SLC5A4: variants seen among roughly 807,000 people sequenced by gnomAD.
The protein encoded by SLC5A4 is probable glucose sensor protein SLC5A4.
In SLC5A4, 55 loss-of-function variants were observed where a neutral mutation model predicts 70.3. That is an observed-to-expected ratio of 0.78 (90% CI 0.63 to 0.98). The LOEUF is 0.98. SLC5A4 is among the 50% of genes least tolerant of loss of function. The pLI, the probability that SLC5A4 is intolerant of heterozygous loss-of-function variation, is 0.00. For missense variants in SLC5A4, 735 were observed against 839.2 expected (o/e 0.88, Z 1.53); for synonymous variants, 268 against 305.7 (o/e 0.88, Z 1.29).
chr22:32,245,176 C>T (rs1926747177), intron 5 of SLC5A4, among the ~76,000 whole-genome samples: 1 of 152,176 alleles, frequency 6.6e-6, no homozygotes, highest in Non-Finnish European at 1.5e-5. Context: ...TCATAACGAT[C>T]TGTTTAATAA....
At chr22:32,329,632 AGGGCTCTGGGGTGTGTGTT>A in the SLC5A4 span, among the ~76,000 whole-genome samples, 1 of 16,268 alleles carries the variant, frequency 6.1e-5, no homozygotes, top group African/African-American at 3.1e-4. Context: ...TGTGTGTTGG[AGGGCTCTGGGGTGTGTGTT>A]GGGGGCTCTG....
the SLC5A4 span, among the ~76,000 whole-genome samples, chr22:32,325,297 A>C: frequency 2.0e-5 from 3 of 152,244 alleles, no homozygotes; most frequent in Admixed American, 6.5e-5. Context: ...CCAGGACCCC[A>C]AAACAAGAGC....
the SLC5A4 span, among the ~76,000 whole-genome samples, chr22:32,350,487 T>C: frequency 2.0e-5 from 3 of 152,206 alleles, no homozygotes; most frequent in African/African-American, 7.2e-5. Context: ...ATTTGTTGGC[T>C]TCTACCCCTA....
At chr22:32,288,788 C>T in the SLC5A4 span, among the ~76,000 whole-genome samples, 5 of 152,198 alleles carry the variant, frequency 3.3e-5, no homozygotes, top group South Asian at 2.1e-4. Context: ...TCAGGTGATC[C>T]GACCGCCTCA....
the SLC5A4 span, among the ~76,000 whole-genome samples, chr22:32,277,829 T>A: frequency 6.6e-6 from 1 of 152,206 alleles, no homozygotes; most frequent in East Asian, 1.9e-4. Context: ...ATTACAGGCG[T>A]GAGCCACCGC....
the SLC5A4 span, among the ~76,000 whole-genome samples, chr22:32,311,357 A>C: frequency 6.6e-6 from 1 of 152,194 alleles, no homozygotes; most frequent in Non-Finnish European, 1.5e-5. Context: ...CATGTTTATT[A>C]AGCAGGGCCT....
the SLC5A4 span, among the ~76,000 whole-genome samples, chr22:32,285,805 C>A: frequency 0.014 from 2,083 of 151,646 alleles, 52 homozygotes; most frequent in African/African-American, 0.048. Flanking sequence ...GGCGCGATCT[C>A]GGCTCACTGC....
At chr22:32,246,875 T>A (rs923547822) in intron 5 of SLC5A4, among the ~76,000 whole-genome samples, 1 of 152,216 alleles carries the variant, frequency 6.6e-6, no homozygotes, top group Non-Finnish European at 1.5e-5. Flanking sequence ...TACTTTAAAA[T>A]TTTTTAACAC....
At chr22:32,251,397 T>C (rs1160654022) in intron 3 of SLC5A4, among the ~76,000 whole-genome samples, 1 of 151,884 alleles carries the variant, frequency 6.6e-6, no homozygotes, top group Non-Finnish European at 1.5e-5. Context: ...AGATAATGGG[T>C]TAGTTATAGT....
chr22:32,219,896 C>G (rs866134966), intron 14 of SLC5A4, among the ~76,000 whole-genome samples: 1 of 151,800 alleles, frequency 6.6e-6, no homozygotes, highest in Admixed American at 6.6e-5. Context: ...TAACTTTATG[C>G]CAATATATTT....
At chr22:32,247,293 A>G (rs1926883929) in intron 5 of SLC5A4, 118 bp downstream of exon 5, 1 of 670,668 alleles carries the variant, frequency 1.5e-6, no homozygotes. Flanking sequence ...TAAGACATCC[A>G]TATCCTTGAC....
chr22:32,271,164 G>T, the SLC5A4 span: 1 of 685,812 alleles, frequency 1.5e-6, no homozygotes, highest in Non-Finnish European at 2.7e-6. Flanking sequence ...GCCTGCTGTT[G>T]CAGGAGAATG....
chr22:32,228,288 C>G (rs1925523486), intron 11 of SLC5A4, among the ~76,000 whole-genome samples: 1 of 152,048 alleles, frequency 6.6e-6, no homozygotes, highest in Non-Finnish European at 1.5e-5. Flanking sequence ...CACCTGTAGT[C>G]CCAGCACTTT....
At chr22:32,297,016 G>T in the SLC5A4 span, among the ~76,000 whole-genome samples, 2 of 145,800 alleles carry the variant, frequency 1.4e-5, no homozygotes, top group African/African-American at 5.1e-5. Context: ...ACTTGATCAT[G>T]GTGGATAAGC....
chr22:32,312,365 G>GCACACA, the SLC5A4 span, among the ~76,000 whole-genome samples: 42 of 102,210 alleles, frequency 4.1e-4, no homozygotes, highest in South Asian at 1.9e-3. Flanking sequence ...ACGCGCGCGC[G>GCACACA]CACACACACA....
the SLC5A4 span, among the ~76,000 whole-genome samples, chr22:32,293,285 T>C: frequency 2.6e-5 from 4 of 152,170 alleles, no homozygotes; most frequent in Non-Finnish European, 5.9e-5. Context: ...ATATTTGATG[T>C]AATTACTAAA....
chr22:32,319,106 C>T, the SLC5A4 span, among the ~76,000 whole-genome samples: 7 of 152,198 alleles, frequency 4.6e-5, no homozygotes, highest in African/African-American at 1.7e-4. Context: ...GTGGGGACAT[C>T]GTTCTTCTCC....
chr22:32,321,941 T>C, the SLC5A4 span, among the ~76,000 whole-genome samples: 2 of 152,344 alleles, frequency 1.3e-5, no homozygotes. Flanking sequence ...AGAAATACTA[T>C]ACATGACAAG....
At chr22:32,330,378 T>A in the SLC5A4 span, among the ~76,000 whole-genome samples, 1 of 45,154 alleles carries the variant, frequency 2.2e-5, no homozygotes, top group Non-Finnish European at 3.9e-5. Flanking sequence ...CTGGTGTGTG[T>A]TGGGGGCTCT....
Sources: gnomAD v4.1 joint callset for allele counts (sites outside exome capture counted in the v4.1 genomes callset) on GRCh38, gnomAD v4.1.1 for gene constraint, MANE v1.5 for transcripts, NCBI Gene and HGNC (gene_info 2026-07-23, HGNC 2026-07-21) for gene names.